The following MEIS2 variants were observed in gnomAD, a reference collection of about 807,000 sequenced individuals.
MEIS2 encodes the protein Meis homeobox 2.
In MEIS2, 9 loss-of-function variants were observed where a neutral mutation model predicts 58.6. That is an observed-to-expected ratio of 0.15 (90% confidence interval 0.09 to 0.27). The LOEUF (loss-of-function observed/expected upper bound fraction) is 0.27, where lower values mean the gene tolerates loss of function less well. Among genes scored for constraint, MEIS2 ranks in the 10% least tolerant of loss-of-function variants. The pLI is 1.00. For synonymous variants in MEIS2, 221 were observed against 228.4 expected (o/e 0.97, Z 0.29); for missense variants, 427 against 635.0 (o/e 0.67, Z 3.52).
chr15:37,086,651 A>G (rs1567280197), intron 6 of MEIS2, among the ~76,000 whole-genome samples: 2 of 152,150 alleles, frequency 1.3e-5, no homozygotes, highest in Non-Finnish European at 2.9e-5. Context: ...CTCAAGTATT[A>G]TGGTCTTGTT....
At chr15:37,036,436 AAC>A (rs1307007430) in intron 8 of MEIS2, 2 of 143,802 alleles carry the variant, frequency 1.4e-5, no homozygotes, top group African/African-American at 5.3e-5. Context: ...AGCTTTCGTT[AAC>A]AGTGTAATCA....
chr15:37,099,155 C>A, intron 1 of MEIS2: 2 of 1,206,032 alleles, frequency 1.7e-6, no homozygotes, highest in Non-Finnish European at 2.1e-6. Context: ...GAGGCGAAAG[C>A]GTGTAACGAT....
intron 8 of MEIS2, among the ~76,000 whole-genome samples, chr15:37,032,374 T>C (rs2061965928): frequency 6.6e-6 from 1 of 152,134 alleles, no homozygotes; most frequent in Admixed American, 6.5e-5. Context: ...CTTCTTGGCG[T>C]GGAGGAGTTT....
chr15:37,054,057 T>C (rs1313478561), intron 7 of MEIS2, among the ~76,000 whole-genome samples: 2 of 152,242 alleles, frequency 1.3e-5, no homozygotes, highest in Non-Finnish European at 2.9e-5. Flanking sequence ...CACTTTCCAT[T>C]ACTTATGGCG....
At chr15:36,989,902 TG>T (rs1341199912) in intron 8 of MEIS2, among the ~76,000 whole-genome samples, 1 of 152,112 alleles carries the variant, frequency 6.6e-6, no homozygotes, top group Non-Finnish European at 1.5e-5. Context: ...TCACTTGAAG[TG>T]GGGGCATTGT....
chr15:36,914,662 C>T (rs2057190753), intron 9 of MEIS2, among the ~76,000 whole-genome samples: 1 of 152,148 alleles, frequency 6.6e-6, no homozygotes, highest in Admixed American at 6.5e-5. Context: ...CCTGGGAGGG[C>T]TCTGGCTGAT....
At chr15:36,949,746 G>A (rs1159870603) in intron 9 of MEIS2, among the ~76,000 whole-genome samples, 1 of 151,814 alleles carries the variant, frequency 6.6e-6, no homozygotes, top group Non-Finnish European at 1.5e-5. Flanking sequence ...CTTTTCCTCA[G>A]TTACCCTCTA....
intron 7 of MEIS2, among the ~76,000 whole-genome samples, chr15:37,062,043 C>T (rs1889285096): frequency 6.6e-6 from 1 of 152,182 alleles, no homozygotes; most frequent in Non-Finnish European, 1.5e-5. Context: ...TGTCAGTCAT[C>T]AGCTCAGAAG....
chr15:37,069,893 C>T (rs1438756177), intron 7 of MEIS2, among the ~76,000 whole-genome samples: 3 of 152,078 alleles, frequency 2.0e-5, no homozygotes, highest in Non-Finnish European at 4.4e-5. Flanking sequence ...CCATTGCTCA[C>T]CACCTGCAGC....
At chr15:36,914,568 G>A (rs756321639) in intron 9 of MEIS2, among the ~76,000 whole-genome samples, 12 of 152,180 alleles carry the variant, frequency 7.9e-5, no homozygotes, top group Non-Finnish European at 1.3e-4. Flanking sequence ...GTTAGTAGAG[G>A]ATGGGGGAAA....
Position 37,054,206 on chromosome 15 carries a change from C to T in MEIS2, c.755-17247G>A, listed in dbSNP as rs563027552. Reference sequence around the variant, plus strand: ...CTTTTCTTTTGCTTTTTCTATTTTTCAATTTGCTTGTTTTTTATGTCTAGC... The same window carrying T: ...CTTTTCTTTTGCTTTTTCTATTTTTTAATTTGCTTGTTTTTTATGTCTAGC... On this transcript the variant is annotated intron_variant, in intron 7 of 11. Transcript: ENST00000561208. Among the ~76,000 whole-genome samples, 3 of 152,154 alleles carry T rather than the reference C, an allele frequency of 2.0e-5. No individual in the cohort carries two copies. In the South Asian group the frequency reaches 6.2e-4, roughly 32 times the overall value.
rs1894230229 is a variant in MEIS2 at position 37,096,237 on chromosome 15, G to A, written c.387+52C>T. The stretch of plus-strand genomic sequence containing the variant: ...CTTTCAAGTAAAGCTCCGAGGAAAG[G>A]GGAGGGGTAGTGAGGGACTGCCCGA... On this transcript the variant is annotated intron_variant, in intron 3 of 11. Transcript: ENST00000561208. 2.6e-6 allele frequency: 4 copies of A among 1,513,500 alleles called. No homozygotes were observed. In the South Asian group the frequency reaches 5.1e-5, roughly 19 times the overall value. 93.8% of individuals were successfully genotyped at this position (1,513,500 alleles called of 1,614,324 possible). A position where few individuals can be genotyped will look rare whatever the true frequency, so the allele number is the denominator to read the frequency against.
intron 9 of MEIS2, among the ~76,000 whole-genome samples, chr15:36,926,032 T>G (rs1007188495): frequency 7.2e-5 from 11 of 152,382 alleles, no homozygotes; most frequent in African/African-American, 2.6e-4. Context: ...GTTTTTTCCC[T>G]TTCCTATCCA....
At chr15:37,022,947 G>A (rs1367660159) in intron 8 of MEIS2, among the ~76,000 whole-genome samples, 1 of 152,160 alleles carries the variant, frequency 6.6e-6, no homozygotes, top group Admixed American at 6.5e-5. Context: ...GGTCCACTGT[G>A]CCCAGCCTGC....
chr15:36,948,424 G>A (rs1177659571), intron 9 of MEIS2, among the ~76,000 whole-genome samples: 3 of 151,892 alleles, frequency 2.0e-5, no homozygotes, highest in African/African-American at 7.3e-5. Flanking sequence ...TCATTCTTCA[G>A]GTGCGAAGAG....
intron 8 of MEIS2, among the ~76,000 whole-genome samples, chr15:36,990,411 A>G (rs1447322680): frequency 6.6e-6 from 1 of 152,216 alleles, no homozygotes; most frequent in Non-Finnish European, 1.5e-5. Context: ...GGAAATTATA[A>G]ATTTGTTACT....
intron 8 of MEIS2, among the ~76,000 whole-genome samples, chr15:36,991,120 C>T (rs1021420345): frequency 1.3e-5 from 2 of 152,114 alleles, no homozygotes; most frequent in African/African-American, 4.8e-5. Flanking sequence ...CAGAATTAGC[C>T]ATGCTTCCTA....
rs78857145 is a variant in MEIS2 at position 37,044,522 on chromosome 15, T to C, written c.755-7563A>G. Among the ~76,000 whole-genome samples, 804 of 152,298 alleles carry C rather than the reference T, an allele frequency of 5.3e-3. 7 individuals carry two copies. Among genetic ancestry groups the C allele is most frequent in the African/African-American group, 0.018 (765 of 41,568 alleles). ...GAAACATCTGCTGAATTTTAAAGACTTTTCTGAGCCAAGGGATCTTTCAAG... is the reference window on the plus strand; with the variant it reads ...GAAACATCTGCTGAATTTTAAAGACCTTTCTGAGCCAAGGGATCTTTCAAG... On this transcript the variant is annotated intron_variant, in intron 7 of 11. Coordinates refer to ENST00000561208, the MANE Select transcript of MEIS2 (RefSeq NM_170675.5).
At chr15:37,016,948 T>A (rs2061370647) in intron 8 of MEIS2, among the ~76,000 whole-genome samples, 1 of 152,268 alleles carries the variant, frequency 6.6e-6, no homozygotes, top group Non-Finnish European at 1.5e-5. Context: ...TCTAAAATTA[T>A]AACCGGAAAG....
Sources: allele counts gnomAD v4.1 joint callset (sites outside exome capture counted in the v4.1 genomes callset), GRCh38; gene constraint gnomAD v4.1.1; transcripts MANE v1.5; gene names NCBI Gene and HGNC (gene_info 2026-07-23, HGNC 2026-07-21).